Variants in CDC123 observed in about 807,000 individuals in gnomAD.
CDC123 encodes the protein translation initiation factor eIF2 assembly protein.
A neutral mutation model predicts 54.4 loss-of-function variants in CDC123; 37 were observed. The observed-to-expected ratio is 0.68, with a 90% CI of 0.52 to 0.89. CDC123 has a LOEUF of 0.89. CDC123 is among the 40% of genes least tolerant of loss of function. CDC123 has a pLI of 0.00. For missense variants in CDC123, 361 were observed against 412.1 expected (o/e 0.88, Z 1.07); for synonymous variants, 144 against 136.8 (o/e 1.05, Z -0.37).
Position 12,248,968 on chromosome 10 carries a change from G to A in CDC123, c.847-613G>A, listed in dbSNP as rs372938015. ...TCTACTAAAAATACAAAAATTAGCCGGACGTGGTGACGCGCGCCTGTAGTC... is the reference window on the plus strand; with the variant it reads ...TCTACTAAAAATACAAAAATTAGCCAGACGTGGTGACGCGCGCCTGTAGTC... On this transcript the variant is annotated intron_variant, in intron 11 of 12. Transcript: ENST00000281141. 2.5e-4 allele frequency among the ~76,000 whole-genome samples: 38 copies of A among 151,912 alleles called. No homozygotes were observed. The East Asian group carries it at 2.9e-3, about 12-fold the overall frequency.
At chr10:12,216,933 C>T (rs988927144) in intron 5 of CDC123, among the ~76,000 whole-genome samples, 2 of 152,178 alleles carry the variant, frequency 1.3e-5, no homozygotes, top group East Asian at 3.8e-4. Flanking sequence ...CTCCAGCCGC[C>T]AAAGTTCAAG....
chr10:12,245,796 C>T (rs1039436883), intron 10 of CDC123: 3 of 173,014 alleles, frequency 1.7e-5, no homozygotes, highest in South Asian at 1.6e-4. Flanking sequence ...TCTGGCCGGG[C>T]GACGTGGCTT....
At chr10:12,228,556 C>T (rs1335830063) in intron 6 of CDC123, among the ~76,000 whole-genome samples, 4 of 151,802 alleles carry the variant, frequency 2.6e-5, no homozygotes, top group African/African-American at 9.7e-5. Context: ...CAGGTGTACA[C>T]CACCAGGCCT....
At chr10:12,217,581 G>A in intron 6 of CDC123, 114 bp downstream of exon 6, 4 of 1,058,398 alleles carry the variant, frequency 3.8e-6, no homozygotes, top group Non-Finnish European at 5.1e-6. Context: ...ATATAACAAA[G>A]CTATTTCATA....
chr10:12,199,845 CAG>C (rs1342290729), intron 2 of CDC123, among the ~76,000 whole-genome samples: 1 of 152,048 alleles, frequency 6.6e-6, no homozygotes, highest in Non-Finnish European at 1.5e-5. Context: ...TCTTTTGAGA[CAG>C]AGTCTCGCTC....
At chr10:12,238,674 G>A (rs1836011677) in intron 10 of CDC123, among the ~76,000 whole-genome samples, 189 bp downstream of exon 10, 1 of 151,778 alleles carries the variant, frequency 6.6e-6, no homozygotes, top group South Asian at 2.1e-4. Flanking sequence ...TCAGGAGTTC[G>A]AGACTAGCCT....
chr10:12,209,581 G>T (rs1835568247), intron 2 of CDC123, among the ~76,000 whole-genome samples: 1 of 151,752 alleles, frequency 6.6e-6, no homozygotes, highest in South Asian at 2.1e-4. Context: ...TTATTTTTGA[G>T]ACAGTGTTTT....
At position 12,196,195 on chromosome 10, in the gene CDC123, C is replaced by G; in HGVS notation, c.-51C>G. ...CTTCCGGGGCCGGCGCCCAGAGTTC[C>G]GGGAGGGTGCAGGCAGGAGAGGGAA... On this transcript the variant is annotated 5_prime_UTR_variant, in exon 1 of 13. Transcript: ENST00000281141. The G allele has an allele frequency of 6.2e-7, 1 of 1,612,904 alleles. No individual in the cohort carries two copies. The highest frequency in any genetic ancestry group is 8.5e-7 in the Non-Finnish European group (1 of 1,179,588).
chr10:12,229,561 T>A (rs541605663), intron 6 of CDC123, among the ~76,000 whole-genome samples: 1 of 152,292 alleles, frequency 6.6e-6, no homozygotes, highest in South Asian at 2.1e-4. Flanking sequence ...ACCACTCCCC[T>A]CCGACACACA....
intron 1 of CDC123, 105 bp downstream of exon 1, chr10:12,196,424 T>C: frequency 1.4e-6 from 2 of 1,432,470 alleles, no homozygotes; most frequent in South Asian, 1.2e-5. Flanking sequence ...AGCGACTGCA[T>C]GGGAGGGAGT....
chr10:12,239,484 G>A (rs1487185302), intron 10 of CDC123, among the ~76,000 whole-genome samples: 6 of 152,064 alleles, frequency 3.9e-5, no homozygotes, highest in Middle Eastern at 3.2e-3. Flanking sequence ...AGGCTGAGGC[G>A]GGCAGATCAC....
At chr10:12,212,012 C>T (rs1347298452) in intron 4 of CDC123, among the ~76,000 whole-genome samples, 1 of 152,194 alleles carries the variant, frequency 6.6e-6, no homozygotes, top group South Asian at 2.1e-4. Context: ...TGCTTGAACC[C>T]AGGAGGTGGA....
chr10:12,219,298 A>T (rs1278876911), intron 6 of CDC123, among the ~76,000 whole-genome samples: 1 of 152,010 alleles, frequency 6.6e-6, no homozygotes, highest in African/African-American at 2.4e-5. Context: ...TAAGGATTTT[A>T]CTTGTATTGG....
intron 11 of CDC123, 21 bp downstream of exon 11, chr10:12,246,298 A>T (rs1327413084): frequency 6.2e-7 from 1 of 1,613,454 alleles, no homozygotes; most frequent in African/African-American, 1.3e-5. Flanking sequence ...TTTAAGACAG[A>T]TACAATGTAA....
intron 6 of CDC123, among the ~76,000 whole-genome samples, chr10:12,217,809 G>C (rs181227002): frequency 6.6e-6 from 1 of 152,162 alleles, no homozygotes. Flanking sequence ...TCTCATGGCC[G>C]GGCGCGGTGG....
chr10:12,197,656 T>C (rs879933944), intron 1 of CDC123, among the ~76,000 whole-genome samples: 27 of 152,016 alleles, frequency 1.8e-4, no homozygotes, highest in Admixed American at 3.9e-4. Flanking sequence ...GGATTACAGG[T>C]GTGAGCCACC....
At chr10:12,235,207 TAA>T in intron 8 of CDC123, 84 bp downstream of exon 8, 1 of 1,138,546 alleles carries the variant, frequency 8.8e-7, no homozygotes, top group Non-Finnish European at 1.3e-6. Context: ...AAATTTCCAG[TAA>T]TTAGGACAGG....
At chr10:12,234,119 G>GT (rs1192184667) in intron 7 of CDC123, among the ~76,000 whole-genome samples, 1 of 152,058 alleles carries the variant, frequency 6.6e-6, no homozygotes, top group African/African-American at 2.4e-5. Context: ...TTTAGATGGA[G>GT]TTTTGCTCTG....
At chr10:12,233,310 C>T (rs1369268868) in intron 7 of CDC123, among the ~76,000 whole-genome samples, 4 of 151,578 alleles carry the variant, frequency 2.6e-5, no homozygotes, top group Admixed American at 1.3e-4. Flanking sequence ...CACACACACA[C>T]ACACACTCTC....
Sources: allele counts gnomAD v4.1 joint callset (sites outside exome capture counted in the v4.1 genomes callset), GRCh38; gene constraint gnomAD v4.1.1; transcripts MANE v1.5; gene names NCBI Gene and HGNC (gene_info 2026-07-23, HGNC 2026-07-21).